BRWD3: variants seen among roughly 807,000 people sequenced by gnomAD.
The protein encoded by BRWD3 is bromodomain and WD repeat domain containing 3, also known as bromodomain and WD repeat-containing protein 3.
Under a neutral mutation model 149.7 loss-of-function variants are expected in BRWD3, and 10 were observed. That is an observed-to-expected ratio of 0.07 (90% confidence interval 0.04 to 0.11). The LOEUF is 0.11. BRWD3 is among the 10% of genes least tolerant of loss of function. The pLI, the probability that BRWD3 is intolerant of heterozygous loss-of-function variation, is 1.00. For missense variants in BRWD3, 940 were observed against 1,373.2 expected (o/e 0.68, Z 4.99); for synonymous variants, 504 against 456.7 (o/e 1.10, Z -1.32).
rs755208556 is a variant in BRWD3, at chrX:80,691,872, G to A, written c.3432C>T (p.Asp1144=). The A allele has an allele frequency of 2.6e-5, 31 of 1,207,513 alleles. No individual in the cohort carries two copies. Among genetic ancestry groups the A allele is most frequent in the Admixed American group, 6.6e-5 (3 of 45,357 alleles). ...CCTGAATAACCCGTTCACATTCTTC[G>A]TCTCTGGAATGAGCCCCCCACTCTC... The part of the protein sequence containing the change: ...QEGEWGAHSR[D]EECERVIQGI... Residue 1144 remains aspartate, a synonymous_variant, in exon 30 of 41, where the codon GAC becomes GAT. Coordinates refer to ENST00000373275, the MANE Select transcript of BRWD3 (RefSeq NM_153252.5).
At chrX:80,687,140 G>A in intron 34 of BRWD3, 137 bp from the exon 35 acceptor site, 1 of 466,118 alleles carries the variant, frequency 2.1e-6, no homozygotes, top group Non-Finnish European at 3.2e-6. Flanking sequence ...TGCTATTTTA[G>A]TTTCTTAGTT....
rs2147875527 is a variant in BRWD3, at chrX:80,808,578, A to G, written c.141T>C (p.Asp47=). The G allele has an allele frequency of 3.3e-6, 4 of 1,208,256 alleles. No individual in the cohort carries two copies. The highest frequency in any genetic ancestry group is 4.5e-6 in the Non-Finnish European group (4 of 894,011). Residue 47 remains aspartate, a synonymous_variant, in exon 4 of 41, where the codon GAT becomes GAC. Transcript: ENST00000373275. ...EEHQLIPRRL[D]WEGKEHRRSF... The stretch of plus-strand genomic sequence containing the variant: ...TTCTTCGGTGCTCTTTCCCCTCCCA[A>G]TCTAAGCGGCGCGGAATCAGCTGGG...
At chrX:80,739,242 A>G (rs1411991061) in intron 8 of BRWD3, among the ~76,000 whole-genome samples, 1 of 112,054 alleles carries the variant, frequency 8.9e-6, no homozygotes, top group Non-Finnish European at 1.9e-5. Context: ...TAAGAGAAAG[A>G]TAAAAGGGAT....
chrX:80,723,641 G>C (rs1228409019), intron 16 of BRWD3, 107 bp downstream of exon 16: 2 of 835,020 alleles, frequency 2.4e-6, no homozygotes, highest in African/African-American at 2.0e-5. Context: ...CTTTTATTTT[G>C]TATCTATTGA....
intron 6 of BRWD3, among the ~76,000 whole-genome samples, chrX:80,776,077 G>A (rs746229743): frequency 8.9e-6 from 1 of 112,063 alleles, no homozygotes; most frequent in East Asian, 2.8e-4. Context: ...TCTATTTAAT[G>A]ACATTTTACA....
Position 80,695,918 on chromosome X carries a change from G to C in BRWD3, c.3141C>G (p.Asn1047Lys). ...CAATTCTATATTTACCAATCTGCCA[G>C]TTCCTTTCTTTGGCTTCATTATAAA... ...HQFYNEAKER[N>K]WQIGDRFRSI... Residue 1047 changes from asparagine (N) to lysine (K), a missense_variant, in exon 27 of 41, where the codon AAC (asparagine) becomes AAG (lysine). Transcript: ENST00000373275. 8.3e-7 allele frequency: 1 copy of C among 1,207,651 alleles called. No individual in the cohort carries two copies. The highest frequency in any genetic ancestry group is 1.1e-6 in the Non-Finnish European group (1 of 892,178).
At chrX:80,758,588 T>A (rs1239750955) in intron 6 of BRWD3, among the ~76,000 whole-genome samples, 2 of 111,287 alleles carry the variant, frequency 1.8e-5, no homozygotes, top group Non-Finnish European at 3.8e-5. Flanking sequence ...CTACCTTTAA[T>A]TGAACTTTAT....
chrX:80,809,367 A>G (rs78454193), intron 1 of BRWD3, 63 bp from the exon 2 acceptor site: 14 of 1,147,715 alleles, frequency 1.2e-5, no homozygotes, highest in African/African-American at 5.4e-5. Flanking sequence ...AAGCTTTTTC[A>G]AAAGAAACTG....
intron 6 of BRWD3, among the ~76,000 whole-genome samples, chrX:80,791,611 T>A (rs1569289628): frequency 9.0e-6 from 1 of 111,640 alleles, no homozygotes; most frequent in Non-Finnish European, 1.9e-5. Flanking sequence ...AAAAAAGAAG[T>A]TTCTGCTAAG....
chrX:80,786,984 A>T (rs2074115157), intron 6 of BRWD3, among the ~76,000 whole-genome samples: 1 of 111,786 alleles, frequency 8.9e-6, no homozygotes, highest in Non-Finnish European at 1.9e-5. Context: ...AAGGGAAAAA[A>T]GTCATTAAAC....
intron 6 of BRWD3, among the ~76,000 whole-genome samples, chrX:80,751,515 G>A (rs1202560448): frequency 8.9e-6 from 1 of 111,804 alleles, no homozygotes; most frequent in African/African-American, 3.2e-5. Flanking sequence ...TTCCTTAATG[G>A]CCAAAGAAAC....
At chrX:80,801,672 G>A (rs1243515908) in intron 4 of BRWD3, among the ~76,000 whole-genome samples, 4 of 108,120 alleles carry the variant, frequency 3.7e-5, no homozygotes, top group African/African-American at 1.0e-4. Context: ...GAAACCCCAC[G>A]TCTACTAAAA....
chrX:80,790,141 G>T (rs1026954443), intron 6 of BRWD3, among the ~76,000 whole-genome samples: 10 of 90,896 alleles, frequency 1.1e-4, no homozygotes, highest in African/African-American at 4.2e-4. Context: ...AGCAGAGATT[G>T]TGCCGATGCA....
chrX:80,690,922 A>C, intron 31 of BRWD3, 131 bp downstream of exon 31: 2 of 800,599 alleles, frequency 2.5e-6, no homozygotes, highest in Non-Finnish European at 3.6e-6. Flanking sequence ...TAATGTTCTA[A>C]ATTTTTAAAG....
chrX:80,807,839 T>G (rs2074363476), intron 4 of BRWD3, among the ~76,000 whole-genome samples: 1 of 111,793 alleles, frequency 8.9e-6, no homozygotes, highest in South Asian at 3.7e-4. Flanking sequence ...TCAGTTTCTA[T>G]TTAGTGAAAA....
At chrX:80,744,713 C>T (rs2147791139) in intron 7 of BRWD3, among the ~76,000 whole-genome samples, 1 of 111,863 alleles carries the variant, frequency 8.9e-6, no homozygotes, top group Non-Finnish European at 1.9e-5. Context: ...ATTAAACTTC[C>T]TTTTGAGAAT....
At chrX:80,769,161 C>T (rs774702727) in intron 6 of BRWD3, among the ~76,000 whole-genome samples, 5 of 111,225 alleles carry the variant, frequency 4.5e-5, no homozygotes, top group Non-Finnish European at 9.4e-5. Context: ...TAACACCCCA[C>T]TGTCAACATT....
intron 12 of BRWD3, chrX:80,733,198 T>A (rs146543142): frequency 7.6e-6 from 2 of 262,995 alleles, no homozygotes; most frequent in Non-Finnish European, 1.3e-5. Flanking sequence ...AACACTTGAC[T>A]GACGTGGGTG....
intron 6 of BRWD3, among the ~76,000 whole-genome samples, chrX:80,753,596 G>A (rs999402738): frequency 1.8e-5 from 2 of 111,130 alleles, no homozygotes; most frequent in Non-Finnish European, 3.8e-5. Flanking sequence ...TAAATTTTTT[G>A]CCTAGACCAA....
Sources: allele counts gnomAD v4.1 joint callset (sites outside exome capture counted in the v4.1 genomes callset), GRCh38; gene constraint gnomAD v4.1.1; transcripts MANE v1.5; gene names NCBI Gene and HGNC (gene_info 2026-07-23, HGNC 2026-07-21).